The following DHX32 variants were observed in gnomAD, a reference collection of about 807,000 sequenced individuals.
DHX32 encodes DEAH-box helicase 32 (putative), also known as putative pre-mRNA-splicing factor ATP-dependent RNA helicase DHX32.
Under a neutral mutation model 70.0 loss-of-function variants are expected in DHX32, and 51 were observed. That is an observed-to-expected ratio of 0.73 (90% CI 0.58 to 0.92). The LOEUF (loss-of-function observed/expected upper bound fraction) is 0.92. Among genes scored for constraint, DHX32 ranks in the 40% least tolerant of loss-of-function variants. DHX32 has a pLI of 0.00. For missense variants in DHX32, 762 were observed against 891.8 expected, an observed-to-expected ratio of 0.85 and a Z score of 1.85; for synonymous variants, 310 against 315.3, an observed-to-expected ratio of 0.98 and a Z score of 0.18.
chr10:125,853,299 C>A, intron 4 of DHX32: 1 of 1,009,952 alleles, frequency 9.9e-7, no homozygotes, highest in Non-Finnish European at 1.4e-6. Context: ...AACATCTCGG[C>A]ACCTAGTAAT....
intron 6 of DHX32, chr10:125,842,716 T>G (rs1854915704): frequency 7.0e-6 from 4 of 574,292 alleles, no homozygotes; most frequent in Non-Finnish European, 8.8e-6. Context: ...AGAGAAAAAT[T>G]AATCACAACT....
rs534563078 is a variant in DHX32 at position 125,848,273 on chromosome 10, C to A, written c.1351+4020G>T. Among the ~76,000 whole-genome samples the A allele has an allele frequency of 6.6e-5, 10 of 152,282 alleles. No individual in the cohort carries two copies. In the South Asian group the frequency reaches 2.1e-3, roughly 32 times the overall value. The stretch of plus-strand genomic sequence containing the variant: ...TGAAGAGGACAGGGAGGAAAGGCTT[C>A]TGCTTCACTTAATTTCACAGGGACA... On this transcript the variant is annotated intron_variant, in intron 6 of 10. Coordinates refer to ENST00000284690, the MANE Select transcript of DHX32 (RefSeq NM_018180.3).
intron 4 of DHX32, chr10:125,853,253 G>A: frequency 6.4e-7 from 1 of 1,565,810 alleles, no homozygotes; most frequent in South Asian, 1.1e-5. Flanking sequence ...ATAAGTCAGG[G>A]ATATTTAGGA....
intron 6 of DHX32, among the ~76,000 whole-genome samples, chr10:125,850,379 C>CA (rs1376662219): frequency 1.6e-5 from 2 of 125,180 alleles, no homozygotes; most frequent in African/African-American, 6.2e-5. Flanking sequence ...TTTTTTGAGA[C>CA]AGAGTTTTGC....
At position 125,839,119 on chromosome 10, in the gene DHX32, C is replaced by T. The variant is rs374157987; in HGVS notation, c.1763G>A (p.Arg588Gln). 24 of 1,614,068 alleles carry T rather than the reference C, an allele frequency of 1.5e-5. No individual in the cohort carries two copies. Among genetic ancestry groups the T allele is most frequent in the East Asian group, 1.3e-4 (6 of 44,902 alleles). ...CTTGATAATTTCTAAGAGTTCAGCT[C>T]GAATAACATCTGCCATTCTGAGTGC... is the stretch of plus-strand genomic sequence containing the variant. ...CSALRMADVI[R>Q]AELLEIIKRI... is the part of the protein sequence containing the mutation. The change falls in exon 9 of 11, where the codon CGA becomes CAA. Residue 588 changes from arginine to glutamine, a missense_variant. By Grantham distance (43) the Arg-to-Gln change is conservative (BLOSUM62 1). This residue lies in a region of DHX32 where 366 missense variants were observed against 402.6 expected (regional missense o/e 0.91). Transcript: ENST00000284690.
intron 2 of DHX32, among the ~76,000 whole-genome samples, chr10:125,862,875 A>T (rs1180712491): frequency 6.6e-6 from 1 of 152,136 alleles, no homozygotes; most frequent in Non-Finnish European, 1.5e-5. Flanking sequence ...CAAAAAAAAA[A>T]ACTACTTTTT....
chr10:125,838,860 A>T, intron 9 of DHX32, 141 bp downstream of exon 9: 2 of 1,005,360 alleles, frequency 2.0e-6, no homozygotes, highest in South Asian at 1.6e-5. Flanking sequence ...AAGGATACTT[A>T]AGTACCAAAT....
chr10:125,859,196 C>T (rs1325496217), intron 3 of DHX32, among the ~76,000 whole-genome samples: 1 of 152,004 alleles, frequency 6.6e-6, no homozygotes, highest in African/African-American at 2.4e-5. Context: ...ATGGTGAGTG[C>T]TTAGGTAATA....
intron 1 of DHX32, among the ~76,000 whole-genome samples, chr10:125,879,996 C>G (rs1944307716): frequency 1.3e-5 from 2 of 152,330 alleles, no homozygotes; most frequent in Non-Finnish European, 1.5e-5. Context: ...GATCCTAATT[C>G]TTTCCCCCAT....
chr10:125,853,030 TTGG>T (rs1944111516), intron 4 of DHX32: 1 of 876,236 alleles, frequency 1.1e-6, no homozygotes, highest in Non-Finnish European at 1.8e-6. Flanking sequence ...AACCAGGATC[TTGG>T]TGGTCTCACC....
At chr10:125,871,896 C>G (rs1055375142) in intron 1 of DHX32, among the ~76,000 whole-genome samples, 1 of 140,622 alleles carries the variant, frequency 7.1e-6, no homozygotes, top group Non-Finnish European at 1.5e-5. Flanking sequence ...GAGTCTCACT[C>G]TTGTTGCCCA....
chr10:125,888,592 G>A (rs1944352754), intron 1 of DHX32, among the ~76,000 whole-genome samples: 1 of 152,244 alleles, frequency 6.6e-6, no homozygotes, highest in African/African-American at 2.4e-5. Flanking sequence ...AACACTTAAG[G>A]ATAATCTTCT....
At chr10:125,871,575 G>A (rs1944255970) in intron 1 of DHX32, among the ~76,000 whole-genome samples, 1 of 152,130 alleles carries the variant, frequency 6.6e-6, no homozygotes, top group East Asian at 1.9e-4. Context: ...CAGAAAAGAG[G>A]GAAACATGAA....
chr10:125,861,876 C>T (rs567616032), intron 2 of DHX32, among the ~76,000 whole-genome samples: 113 of 151,688 alleles, frequency 7.4e-4, no homozygotes, highest in African/African-American at 2.6e-3. Context: ...TCACTGAACC[C>T]GGGGGTAGTC....
At chr10:125,839,602 CA>C (rs1854813095) in intron 8 of DHX32, among the ~76,000 whole-genome samples, 1 of 152,192 alleles carries the variant, frequency 6.6e-6, no homozygotes, top group Non-Finnish European at 1.5e-5. Flanking sequence ...AAAAAGCCCA[CA>C]GTATAAATTC....
Position 125,866,583 on chromosome 10 carries a change from C to T in DHX32, c.476+407G>A, listed in dbSNP as rs1944221419. Among the ~76,000 whole-genome samples the T allele has an allele frequency of 7.9e-5, 12 of 152,302 alleles. 1 individual carries two copies. In the South Asian group the frequency reaches 2.3e-3, roughly 29 times the overall value. On this transcript the variant is annotated intron_variant, in intron 2 of 10. Transcript: ENST00000284690. This position sits in a 1 kb window ranked among gnomAD's most constrained non-coding sequence, Gnocchi z 4.8. ...GAGTGACTAGGAGGAACTAGCCGGG[C>T]CCGGACATGCTGAGCACAGGGAGGG...
At chr10:125,867,502 C>T (rs1001409461) in intron 1 of DHX32, among the ~76,000 whole-genome samples, 34 of 152,020 alleles carry the variant, frequency 2.2e-4, no homozygotes, top group African/African-American at 8.0e-4. Context: ...TTTGGGAGGC[C>T]GAGGTGGGCG....
chr10:125,836,418 T>G lies in DHX32; in HGVS notation c.*269A>C, dbSNP rs188432839. On this transcript the variant is annotated 3_prime_UTR_variant, in exon 11 of 11. Coordinates refer to ENST00000284690, the MANE Select transcript of DHX32 (RefSeq NM_018180.3). ...CTGTCCCATGTGTCTCTGACACATT[T>G]ACAAAATACCAGTTTTTTAAAATTT... 8 of 1,460,470 alleles carry G rather than the reference T, an allele frequency of 5.5e-6. No homozygotes were observed. In the East Asian group the frequency reaches 1.7e-4, roughly 32 times the overall value. The allele number at this position is 1,460,470 out of a possible 1,614,324, so 90.5% of individuals were successfully genotyped here.
At chr10:125,857,194 T>A (rs924882503) in intron 3 of DHX32, among the ~76,000 whole-genome samples, 1 of 152,150 alleles carries the variant, frequency 6.6e-6, no homozygotes, top group African/African-American at 2.4e-5. Context: ...TAATGAGGGA[T>A]CCTGACAAAA....
Sources: allele counts gnomAD v4.1 joint callset (sites outside exome capture counted in the v4.1 genomes callset), GRCh38; gene constraint gnomAD v4.1.1; regional missense constraint gnomAD v4.1.1; non-coding constraint Gnocchi (gnomAD v3.1); transcripts MANE v1.5; gene names NCBI Gene and HGNC (gene_info 2026-07-23, HGNC 2026-07-21).